The following REPS1 variants were observed in gnomAD, a reference collection of about 807,000 sequenced individuals.
The protein encoded by REPS1 is RALBP1 associated Eps domain containing 1.
In REPS1, 39 loss-of-function variants were observed where a neutral mutation model predicts 100.9. The observed-to-expected ratio is 0.39, with a 90% CI of 0.30 to 0.50. The LOEUF (loss-of-function observed/expected upper bound fraction) is 0.50. REPS1 is among the 20% of genes least tolerant of loss of function. The pLI is 0.86. For missense variants in REPS1, 821 were observed against 968.5 expected (o/e 0.85, Z 2.02); for synonymous variants, 324 against 340.3 (o/e 0.95, Z 0.53).
intron 8 of REPS1, among the ~76,000 whole-genome samples, chr6:138,937,719 AAGGTAGAAAAC>A (rs1781947136): frequency 6.6e-6 from 1 of 152,188 alleles, no homozygotes; most frequent in Admixed American, 6.6e-5. Flanking sequence ...GTGTGGTGTA[AAGGTAGAAAAC>A]AGTTAAAAAT....
At chr6:138,939,651 T>C (rs543984575) in intron 8 of REPS1, among the ~76,000 whole-genome samples, 15 of 152,332 alleles carry the variant, frequency 9.8e-5, no homozygotes, top group South Asian at 6.2e-4. Flanking sequence ...CTTGAAGTCA[T>C]ATAAAAGCTC....
chr6:138,913,407 C>T (rs1188864), intron 15 of REPS1, among the ~76,000 whole-genome samples: 54,118 of 152,000 alleles, frequency 0.36, 11,341 homozygotes, highest in Admixed American at 0.51. Context: ...GTCAGGAACA[C>T]TTCCCTTCAA....
At chr6:138,913,604 T>A (rs1000163705) in intron 15 of REPS1, among the ~76,000 whole-genome samples, 3 of 152,218 alleles carry the variant, frequency 2.0e-5, no homozygotes, top group African/African-American at 7.2e-5. Flanking sequence ...AGATGTTTTA[T>A]GACAAAGGAA....
intron 8 of REPS1, among the ~76,000 whole-genome samples, chr6:138,940,253 A>C (rs1347390891): frequency 1.3e-5 from 2 of 152,206 alleles, no homozygotes; most frequent in Admixed American, 1.3e-4. Context: ...TTGAGACCCA[A>C]ATTCTATTTG....
chr6:138,926,377 A>G, intron 10 of REPS1, 24 bp downstream of exon 10: 1 of 1,550,722 alleles, frequency 6.4e-7, no homozygotes. Context: ...AATCTCAAAC[A>G]AGCAAGCTAA....
Position 138,911,290 on chromosome 6 carries a change from C to A in REPS1, c.2053G>T (p.Ala685Ser). ...SKTEEKTAAS[A>S]PANVSKGTTP... ...ATTTTGCATACCACATTGGCAGGAGCACTAGCAGCTGTCTTTTCTTCAGTT... is the reference window on the plus strand; with the variant it reads ...ATTTTGCATACCACATTGGCAGGAGAACTAGCAGCTGTCTTTTCTTCAGTT... The change falls in exon 17 of 20, where the codon GCT (alanine) becomes TCT (serine). Residue 685 changes from alanine (A) to serine (S), a missense_variant. By Grantham distance (99) the Ala-to-Ser change is moderately conservative. Transcript: ENST00000450536. 6.2e-7 allele frequency: 1 copy of A among 1,605,980 alleles called. No homozygotes were observed. The highest frequency in any genetic ancestry group is 8.5e-7 in the Non-Finnish European group (1 of 1,172,704).
At chr6:138,923,055 CAACCT>C (rs1157406572) in intron 10 of REPS1, among the ~76,000 whole-genome samples, 1 of 152,128 alleles carries the variant, frequency 6.6e-6, no homozygotes, top group Non-Finnish European at 1.5e-5. Context: ...CTTAACCAAT[CAACCT>C]AACATTTGCC....
At position 138,908,800 on chromosome 6, in the gene REPS1, G is replaced by A. The variant is rs1779826476; in HGVS notation, c.2084C>T (p.Pro695Leu). 2 of 1,613,540 alleles carry A rather than the reference G, an allele frequency of 1.2e-6. No individual in the cohort carries two copies. Among genetic ancestry groups the A allele is most frequent in the African/African-American group, 2.7e-5 (2 of 74,878 alleles). Residue 695 changes from proline (P) to leucine (L), a missense_variant, in exon 18 of 20, where the codon CCA becomes CTA. Pro to Leu is a moderately conservative substitution (Grantham distance 98). Around this residue, in one of 3 missense-constraint regions of REPS1, gnomAD observed 757 missense variants for 866.4 expected, o/e 0.87. Coordinates refer to ENST00000450536, the MANE Select transcript of REPS1 (RefSeq NM_001286611.2). ...AACAGGTTTAGGTGGTGGAGCAAGT[G>A]GTGTTGTGCCTTTGCTCTTTAAGAC... ...APANVSKGTTPLAPPPKPVRR... is the reference protein window; with the variant it reads ...APANVSKGTTLLAPPPKPVRR...
intron 14 of REPS1, 21 bp from the exon 15 acceptor site, chr6:138,914,782 T>C (rs749753353): frequency 3.7e-6 from 6 of 1,600,816 alleles, no homozygotes; most frequent in Non-Finnish European, 4.3e-6. Flanking sequence ...ACAAAAGTTC[T>C]TCTTTTTAGT....
Position 138,966,563 on chromosome 6 carries a change from T to G in REPS1, c.154-18650A>C, listed in dbSNP as rs115067370. Among the ~76,000 whole-genome samples the G allele has an allele frequency of 7.1e-3, 1,081 of 152,300 alleles. 11 individuals carry two copies. The highest frequency in any genetic ancestry group is 0.024 in the African/African-American group (997 of 41,566). ...AGCTGAGAGAACTGACCATACTTGC[T>G]CAAGGACACACAGCAAGTGACAGAA... On this transcript the variant is annotated intron_variant, in intron 1 of 19. Transcript: ENST00000450536.
At chr6:138,968,628 C>T (rs1307221662) in intron 1 of REPS1, among the ~76,000 whole-genome samples, 6 of 152,110 alleles carry the variant, frequency 3.9e-5, no homozygotes, top group Non-Finnish European at 8.8e-5. Context: ...AAATGAGACA[C>T]TTTTTTAAAG....
At chr6:138,969,858 G>GGTTT (rs1220944214) in intron 1 of REPS1, among the ~76,000 whole-genome samples, 1 of 96,798 alleles carries the variant, frequency 1.0e-5, no homozygotes, top group African/African-American at 4.5e-5. Context: ...TGTGAATTGG[G>GGTTT]ATTTTTTTTT....
At chr6:138,958,585 G>C (rs566177640) in intron 1 of REPS1, among the ~76,000 whole-genome samples, 41 of 152,148 alleles carry the variant, frequency 2.7e-4, no homozygotes, top group African/African-American at 9.9e-4. Flanking sequence ...TTATGAGTGA[G>C]AACAAAAGCA....
chr6:138,982,909 G>A (rs1416102820), intron 1 of REPS1, among the ~76,000 whole-genome samples: 2 of 152,216 alleles, frequency 1.3e-5, no homozygotes, highest in Middle Eastern at 3.2e-3. Context: ...TTTCTCTGAA[G>A]TGGCTGTGTT....
At chr6:138,939,732 T>C (rs957290548) in intron 8 of REPS1, among the ~76,000 whole-genome samples, 3 of 152,332 alleles carry the variant, frequency 2.0e-5, no homozygotes, top group Admixed American at 6.5e-5. Context: ...TCTCTTTTGG[T>C]TACTATCATA....
intron 1 of REPS1, among the ~76,000 whole-genome samples, chr6:138,978,048 G>A (rs1175127940): frequency 6.0e-5 from 9 of 151,254 alleles, no homozygotes; most frequent in Admixed American, 5.9e-4. Context: ...TGTCTTTGGT[G>A]AAATACCTAT....
At chr6:138,918,093 T>TTG (rs372510753) in intron 12 of REPS1, among the ~76,000 whole-genome samples, 21,974 of 150,180 alleles carry the variant, frequency 0.15, 1,661 homozygotes, top group African/African-American at 0.17. Flanking sequence ...GTGTGTATGT[T>TTG]TGTGTGTGTG....
rs1462296864 is a variant in REPS1 at position 138,926,496 on chromosome 6, G to T, written c.1258-15C>A. ...GTCTCCCACTGCTGAACAGACAGAG[G>T]AGAGACAAGTCAGCATGATGAGAAA... On this transcript the variant is annotated splice_polypyrimidine_tract_variant and intron_variant, in intron 9 of 19. Coordinates refer to ENST00000450536, the MANE Select transcript of REPS1 (RefSeq NM_001286611.2). 1 of 1,579,974 alleles carries T rather than the reference G, an allele frequency of 6.3e-7. No homozygotes were observed. The highest frequency in any genetic ancestry group is 8.7e-7 in the Non-Finnish European group (1 of 1,150,834).
chr6:138,960,963 A>C (rs1199586940), intron 1 of REPS1, among the ~76,000 whole-genome samples: 1 of 152,218 alleles, frequency 6.6e-6, no homozygotes, highest in African/African-American at 2.4e-5. Flanking sequence ...GAATTTTATC[A>C]TTAGCAACAA....
Sources: allele counts gnomAD v4.1 joint callset (sites outside exome capture counted in the v4.1 genomes callset), GRCh38; gene constraint gnomAD v4.1.1; regional missense constraint gnomAD v4.1.1; transcripts MANE v1.5; gene names NCBI Gene and HGNC (gene_info 2026-07-23, HGNC 2026-07-21).